Variants in LYN observed in about 807,000 individuals in gnomAD.
The protein encoded by LYN is tyrosine-protein kinase Lyn.
LYN carries 12 observed loss-of-function variants against 65.0 expected under a neutral mutation model. That is an observed-to-expected ratio of 0.18 (90% CI 0.12 to 0.30). The LOEUF (loss-of-function observed/expected upper bound fraction) is 0.30, where lower values mean the gene tolerates loss of function less well. Among genes scored for constraint, LYN ranks in the 10% least tolerant of loss-of-function variants. LYN has a pLI of 1.00. For missense variants in LYN, 380 were observed against 623.2 expected, an observed-to-expected ratio of 0.61 and a Z score of 4.16; for synonymous variants, 222 against 221.2, an observed-to-expected ratio of 1.00 and a Z score of -0.03.
chr8:55,990,913 T>C (rs772507381), intron 10 of LYN, among the ~76,000 whole-genome samples: 34 of 152,252 alleles, frequency 2.2e-4, no homozygotes, highest in Admixed American at 1.4e-3. Flanking sequence ...GGGAAAAAGT[T>C]ATTTGCAAAG....
chr8:55,928,965 C>T (rs532219676), intron 1 of LYN, among the ~76,000 whole-genome samples: 4 of 151,750 alleles, frequency 2.6e-5, no homozygotes, highest in Non-Finnish European at 2.9e-5. Context: ...ATGTAAGATC[C>T]GGGTCTAGAT....
At chr8:55,904,887 G>A (rs1805376316) in intron 1 of LYN, among the ~76,000 whole-genome samples, 1 of 152,196 alleles carries the variant, frequency 6.6e-6, no homozygotes, top group Non-Finnish European at 1.5e-5. Flanking sequence ...AGGTAAGGTT[G>A]TAGTGTAGAG....
Position 55,880,116 on chromosome 8 carries a change from C to A in LYN, c.-6+13C>A, listed in dbSNP as rs768150562. On this transcript the variant is annotated intron_variant, in intron 1 of 12. Coordinates refer to ENST00000519728, the MANE Select transcript of LYN (RefSeq NM_002350.4). The stretch of plus-strand genomic sequence containing the variant: ...TCACCGCGAGCGGGTGAGTCCTCTG[C>A]GCGAGCCCAGGGGTGGGCGCGGGCA... The A allele has an allele frequency of 3.7e-6, 1 of 269,690 alleles. No individual in the cohort carries two copies. The highest frequency in any genetic ancestry group is 7.4e-6 in the Non-Finnish European group (1 of 134,646). The allele number at this position is 269,690 out of a possible 1,614,324, so 16.7% of individuals were successfully genotyped here. A position where few individuals can be genotyped will look rare whatever the true frequency, so the allele number is the denominator to read the frequency against.
intron 4 of LYN, 43 bp downstream of exon 4, chr8:55,947,766 C>A: frequency 7.7e-7 from 1 of 1,294,328 alleles, no homozygotes; most frequent in Non-Finnish European, 1.1e-6. Flanking sequence ...TTTCCTCAGG[C>A]CACTGAGTCC....
chr8:55,898,299 T>G (rs2130376489), intron 1 of LYN, among the ~76,000 whole-genome samples: 1 of 152,244 alleles, frequency 6.6e-6, no homozygotes, highest in Admixed American at 6.5e-5. Context: ...TACTTTTAAT[T>G]TTGTTTTGAG....
rs750722940 is a variant in LYN, at chr8:55,942,020, C to G, written c.132+29C>G. ...AGTAGATAGTCTCAGGGGAGAATTC[C>G]CACAGCAAGATCAAAGCATGGCTAC... On this transcript the variant is annotated intron_variant, in intron 2 of 12. Transcript: ENST00000519728. 3.7e-6 allele frequency: 6 copies of G among 1,609,924 alleles called. No individual in the cohort carries two copies. The South Asian group carries it at 6.6e-5, about 18-fold the overall frequency.
At chr8:55,920,427 T>C (rs1260069328) in intron 1 of LYN, among the ~76,000 whole-genome samples, 1 of 152,220 alleles carries the variant, frequency 6.6e-6, no homozygotes, top group African/African-American at 2.4e-5. Context: ...TTCCTTGTTT[T>C]GGAGGACGGG....
chr8:55,924,286 T>C (rs569647824), intron 1 of LYN, among the ~76,000 whole-genome samples: 1 of 152,254 alleles, frequency 6.6e-6, no homozygotes, highest in East Asian at 1.9e-4. Context: ...AAAACACAGT[T>C]TGGGAATCAT....
intron 10 of LYN, among the ~76,000 whole-genome samples, chr8:55,994,697 TC>T (rs1303925005): frequency 1.3e-5 from 2 of 152,240 alleles, no homozygotes; most frequent in Non-Finnish European, 2.9e-5. Flanking sequence ...ATTTGGGACT[TC>T]AGCCAGCTTT....
At chr8:55,933,202 G>T (rs1806318369) in intron 1 of LYN, among the ~76,000 whole-genome samples, 1 of 152,174 alleles carries the variant, frequency 6.6e-6, no homozygotes, top group African/African-American at 2.4e-5. Flanking sequence ...AACTTAAGCT[G>T]TTAAAACTAT....
intron 10 of LYN, among the ~76,000 whole-genome samples, chr8:55,977,236 G>A (rs185644618): frequency 6.6e-6 from 1 of 152,188 alleles, no homozygotes; most frequent in Admixed American, 6.5e-5. Context: ...TCTCAGTTGT[G>A]GAAGACTAAA....
intron 1 of LYN, among the ~76,000 whole-genome samples, chr8:55,907,312 C>T (rs1805455192): frequency 6.6e-6 from 1 of 151,914 alleles, no homozygotes; most frequent in African/African-American, 2.4e-5. Flanking sequence ...TTTTTTTTCA[C>T]CTATAACGTA....
chr8:55,967,329 TTTG>T lies in LYN; in HGVS notation c.973+433_973+435del, dbSNP rs769045264. ...TCATTTTTTTTTTTTTTTTTTTTTT[TTTG>T]GAAACAGAGTCTCACACTGTTGCCC... On this transcript the variant is annotated intron_variant, in intron 9 of 12. Transcript: ENST00000519728. 7.2e-3 allele frequency among the ~76,000 whole-genome samples: 728 copies of T among 101,290 alleles called. 11 individuals carry two copies. The highest frequency in any genetic ancestry group is 0.017 in the African/African-American group (522 of 31,016). The allele number at this position is 101,290 out of a possible 152,430, so 66.5% of individuals were successfully genotyped here.
intron 10 of LYN, among the ~76,000 whole-genome samples, chr8:55,981,538 T>C (rs955127207): frequency 1.3e-5 from 2 of 152,204 alleles, no homozygotes; most frequent in Non-Finnish European, 2.9e-5. Flanking sequence ...TTTTTTAATA[T>C]AGAGATAGGG....
Position 55,914,089 on chromosome 8 carries a change from G to A in LYN, c.-5-27766G>A, listed in dbSNP as rs141055956. 1.4e-3 allele frequency among the ~76,000 whole-genome samples: 214 copies of A among 152,014 alleles called. 1 individual carries two copies. Among genetic ancestry groups the A allele is most frequent in the African/African-American group, 4.8e-3 (200 of 41,458 alleles). ...CAGCATGGAGAATGGAGAGGTGGAG[G>A]GTTGTTGTTGGTGTGTGTGTGTGTG... On this transcript the variant is annotated intron_variant, in intron 1 of 12. Transcript: ENST00000519728.
intron 10 of LYN, among the ~76,000 whole-genome samples, chr8:55,982,997 T>G (rs186403590): frequency 7.4e-4 from 112 of 151,750 alleles, no homozygotes; most frequent in African/African-American, 2.7e-3. Context: ...TCATTGCCCC[T>G]CCCCCATGTC....
intron 2 of LYN, among the ~76,000 whole-genome samples, chr8:55,942,623 A>G (rs1806656438): frequency 6.6e-6 from 1 of 151,426 alleles, no homozygotes; most frequent in South Asian, 2.1e-4. Context: ...CATCTCTACT[A>G]AAAATACAAA....
chr8:55,981,498 G>A lies in LYN; in HGVS notation c.1050+11705G>A, dbSNP rs142506908. ...TACAGCTCTGAATGAGTAACTAGAA[G>A]AACATATTTTTTGTGTGTTTAAAAA... is the stretch of plus-strand genomic sequence containing the variant. On this transcript the variant is annotated intron_variant, in intron 10 of 12. Transcript: ENST00000519728. 7.6e-3 allele frequency among the ~76,000 whole-genome samples: 1,156 copies of A among 152,120 alleles called. 4 individuals are homozygous for A. Among genetic ancestry groups the A allele is most frequent in the Non-Finnish European group, 0.011 (714 of 67,976 alleles).
At position 55,947,626 on chromosome 8, in the gene LYN, G is replaced by A; in HGVS notation, c.187G>A (p.Glu63Lys). The change falls in exon 4 of 13, where the codon GAA (glutamate) becomes AAA (lysine). Residue 63 changes from glutamate to lysine, a missense_variant. By Grantham distance (56) the Glu-to-Lys change is moderately conservative (BLOSUM62 1). Coordinates refer to ENST00000519728, the MANE Select transcript of LYN (RefSeq NM_002350.4). ...CTTGTGTTCATCTTTAGATCCAGAG[G>A]AACAAGGAGACATTGTGGTAGCCTT... ...GQRFQTKDPE[E>K]QGDIVVALYP... is the part of the protein sequence containing the mutation. The A allele has an allele frequency of 6.2e-7, 1 of 1,611,550 alleles. No individual in the cohort carries two copies. Among genetic ancestry groups the A allele is most frequent in the Non-Finnish European group, 8.5e-7 (1 of 1,177,746 alleles).
Sources: gnomAD v4.1 joint callset for allele counts (sites outside exome capture counted in the v4.1 genomes callset) on GRCh38, gnomAD v4.1.1 for gene constraint, MANE v1.5 for transcripts, NCBI Gene and HGNC (gene_info 2026-07-23, HGNC 2026-07-21) for gene names.